The following S1PR2 variants were observed in gnomAD, a reference collection of about 807,000 sequenced individuals.
The protein encoded by S1PR2 is sphingosine 1-phosphate receptor 2.
A neutral mutation model predicts 16.1 loss-of-function variants in S1PR2; 9 were observed. The observed-to-expected ratio is 0.56, with a 90% CI of 0.34 to 0.98. The LOEUF is 0.98. Ranked by LOEUF, S1PR2 falls within the 50% of genes least tolerant of loss-of-function variation. The probability of loss-of-function intolerance (pLI) is 0.02; values close to 1 mark genes in which losing one functional copy is unlikely to be tolerated. For missense variants in S1PR2, 361 were observed against 488.4 expected, an observed-to-expected ratio of 0.74 and a Z score of 2.46; for synonymous variants, 224 against 233.9, an observed-to-expected ratio of 0.96 and a Z score of 0.38.
At chr19:10,226,999 C>G (rs1397183539) in intron 1 of S1PR2, among the ~76,000 whole-genome samples, 1 of 151,372 alleles carries the variant, frequency 6.6e-6, no homozygotes, top group African/African-American at 2.4e-5. Flanking sequence ...CCCCCCATCG[C>G]CACCCACCAA....
In S1PR2 at chr19:10,222,190, G is replaced by A. The variant is rs1002240112; in HGVS notation, c.*1654C>T. ...GAATCGCTTGAACCCGGGAGGTGGA[G>A]GTGGCAGTGAACGGAGATTGAACCA... On this transcript the variant is annotated 3_prime_UTR_variant, in exon 2 of 2. Transcript: ENST00000646641. 1.3e-5 allele frequency: 2 copies of A among 152,162 alleles called. No homozygotes were observed. Among genetic ancestry groups the A allele is most frequent in the African/African-American group, 4.8e-5 (2 of 41,420 alleles). 9.4% of individuals were successfully genotyped at this position (152,162 alleles called of 1,614,324 possible).
chr19:10,227,676 C>T (rs944385475), intron 1 of S1PR2, among the ~76,000 whole-genome samples: 9 of 152,244 alleles, frequency 5.9e-5, no homozygotes, highest in African/African-American at 1.2e-4. Context: ...CCTATTGGCC[C>T]GGGCTTTCCA....
In S1PR2 at chr19:10,222,237, C is replaced by T. The variant is rs2039597779; in HGVS notation, c.*1607G>A. ...ACCACTGCCACCTCAGCCTGGGTGA[C>T]ACAGTGAGACTCCATCTCAAAAACA... On this transcript the variant is annotated 3_prime_UTR_variant, in exon 2 of 2. Coordinates refer to ENST00000646641, the MANE Select transcript of S1PR2 (RefSeq NM_004230.4). The T allele has an allele frequency of 6.6e-6, 1 of 152,066 alleles. No individual in the cohort carries two copies. Among genetic ancestry groups the T allele is most frequent in the South Asian group, 2.1e-4 (1 of 4,828 alleles). 9.4% of individuals were successfully genotyped at this position (152,066 alleles called of 1,614,324 possible). A position where few individuals can be genotyped will look rare whatever the true frequency, so the allele number is the denominator to read the frequency against.
At chr19:10,230,878 C>G (rs2039672167) in intron 1 of S1PR2, among the ~76,000 whole-genome samples, 1 of 152,138 alleles carries the variant, frequency 6.6e-6, no homozygotes, top group Admixed American at 6.5e-5. Context: ...CCCCCCCAAA[C>G]ACACTCCCCA....
At position 10,224,423 on chromosome 19, in the gene S1PR2, G is replaced by T; in HGVS notation, c.483C>A (p.Val161=). 6.2e-7 allele frequency: 1 copy of T among 1,613,610 alleles called. No individual in the cohort carries two copies. Among genetic ancestry groups the T allele is most frequent in the South Asian group, 1.1e-5 (1 of 91,072 alleles). The change falls in exon 2 of 2, where the codon GTC becomes GTA. Residue 161 remains valine (V), a synonymous_variant. Coordinates refer to ENST00000646641, the MANE Select transcript of S1PR2 (RefSeq NM_004230.4). ...AGCCAAGGATGGGCAGGCCACCGAG[G>T]ACCAGCGAGATGAGCCACGAGGCCC... The part of the protein sequence containing the change: ...LIGASWLISL[V]LGGLPILGWN...
intron 1 of S1PR2, 49 bp from the exon 2 acceptor site, chr19:10,224,996 T>C: frequency 9.2e-7 from 1 of 1,088,246 alleles, no homozygotes. Context: ...GAGCTGTGGC[T>C]GCTACCTGGG....
At position 10,224,253 on chromosome 19, in the gene S1PR2, G is replaced by C; in HGVS notation, c.653C>G (p.Ser218Ter). The C allele has an allele frequency of 6.2e-7, 1 of 1,613,930 alleles. No homozygotes were observed. The highest frequency in any genetic ancestry group is 8.5e-7 in the Non-Finnish European group (1 of 1,180,046). The change falls in exon 2 of 2, where the codon TCA (serine) becomes TGA (stop). Residue 218 changes from serine (S) to a stop codon, truncating the protein, a stop_gained. Coordinates refer to ENST00000646641, the MANE Select transcript of S1PR2 (RefSeq NM_004230.4). LOFTEE classifies it high-confidence loss of function. ...LYVRIYCVVR[S>*]SHADMAAPQT... ...CGGGGCGGCCATGTCAGCGTGGCTT[G>C]AGCGGACCACGCAGTAGATGCGCAC...
rs2039619110 is a variant in S1PR2, at chr19:10,224,670, T to C, written c.236A>G (p.Asp79Gly). ...YLFLGNLAAS[D>G]LLAGVAFVAN... ...TACGAAGGCCACGCCTGCCAGTAGA[T>C]CGGAGGCGGCCAGGTTGCCCAGAAA... The change falls in exon 2 of 2, where the codon GAT (aspartate) becomes GGT (glycine). Residue 79 changes from aspartate (D) to glycine (G), a missense_variant. By Grantham distance (94) the Asp-to-Gly change is moderately conservative. Coordinates refer to ENST00000646641, the MANE Select transcript of S1PR2 (RefSeq NM_004230.4). The C allele has an allele frequency of 1.2e-6, 2 of 1,614,122 alleles. No homozygotes were observed. The highest frequency in any genetic ancestry group is 1.7e-5 in the Admixed American group (1 of 60,028).
intron 1 of S1PR2, among the ~76,000 whole-genome samples, chr19:10,230,676 C>T (rs982638644): frequency 6.6e-6 from 1 of 152,372 alleles, no homozygotes; most frequent in East Asian, 1.9e-4. Flanking sequence ...CAGTCACTTT[C>T]TCTTTCCTTA....
At chr19:10,229,393 G>A (rs1181566437) in intron 1 of S1PR2, among the ~76,000 whole-genome samples, 1 of 151,842 alleles carries the variant, frequency 6.6e-6, no homozygotes, top group Non-Finnish European at 1.5e-5. Context: ...GAGTTCAAGC[G>A]ATTCTCCTGC....
rs1198864930 is a variant in S1PR2, at chr19:10,224,780, G to A, written c.126C>T (p.Ile42=). 1.2e-6 allele frequency: 2 copies of A among 1,614,262 alleles called. No individual in the cohort carries two copies. The highest frequency in any genetic ancestry group is 3.3e-5 in the Admixed American group (2 of 60,022). The change falls in exon 2 of 2, where the codon ATC becomes ATT. Residue 42 remains isoleucine, a synonymous_variant. Transcript: ENST00000646641. ...TTTCCACCACAATGGCGCAACAGAG[G>A]ATGACGATGAAGGCCGAGGCCACCT... ...SRQVASAFIV[I]LCCAIVVENL... is the part of the protein sequence containing the mutation.
intron 1 of S1PR2, among the ~76,000 whole-genome samples, chr19:10,230,790 C>T (rs571979609): frequency 6.6e-6 from 1 of 152,350 alleles, no homozygotes; most frequent in Non-Finnish European, 1.5e-5. Context: ...GTGGGTGCCG[C>T]CCCTTGGCTT....
rs189137467 is a variant in S1PR2, at chr19:10,223,303, G to A, written c.*541C>T. 98 of 151,240 alleles carry A rather than the reference G, an allele frequency of 6.5e-4. No homozygotes were observed. The highest frequency in any genetic ancestry group is 2.1e-3 in the African/African-American group (85 of 40,942). 9.4% of individuals were successfully genotyped at this position (151,240 alleles called of 1,614,324 possible). ...AGATCAAGACCATCCTGGCTAACACGGTGAAACCCCATCTCTACTAAAGGT... is the reference window on the plus strand; with the variant it reads ...AGATCAAGACCATCCTGGCTAACACAGTGAAACCCCATCTCTACTAAAGGT... On this transcript the variant is annotated 3_prime_UTR_variant, in exon 2 of 2. Coordinates refer to ENST00000646641, the MANE Select transcript of S1PR2 (RefSeq NM_004230.4).
Position 10,224,799 on chromosome 19 carries a change from G to A in S1PR2, c.107C>T (p.Ala36Val), listed in dbSNP as rs747663144. 1.7e-5 allele frequency: 28 copies of A among 1,614,132 alleles called. No individual in the cohort carries two copies. The highest frequency in any genetic ancestry group is 1.4e-5 in the Non-Finnish European group (17 of 1,180,052). ...ETQETTSRQV[A>V]SAFIVILCCA... Reference sequence around the variant, plus strand: ...ACAGAGGATGACGATGAAGGCCGAGGCCACCTGGCGGGAGGTCGTCTCCTG... The same window carrying A: ...ACAGAGGATGACGATGAAGGCCGAGACCACCTGGCGGGAGGTCGTCTCCTG... Residue 36 changes from alanine to valine, a missense_variant, in exon 2 of 2, where the codon GCC becomes GTC. Physicochemically the swap from Ala to Val is moderately conservative, Grantham distance 64. Transcript: ENST00000646641.
At chr19:10,225,206 G>A (rs1191894687) in intron 1 of S1PR2, among the ~76,000 whole-genome samples, 2 of 151,898 alleles carry the variant, frequency 1.3e-5, no homozygotes, top group African/African-American at 4.8e-5. Flanking sequence ...CCTAGGCTAC[G>A]CTCTTTCTTA....
intron 1 of S1PR2, among the ~76,000 whole-genome samples, chr19:10,227,286 T>C (rs2039641771): frequency 6.6e-6 from 1 of 152,102 alleles, no homozygotes; most frequent in South Asian, 2.1e-4. Flanking sequence ...AGGCCAGTTC[T>C]CCTGAGCCCA....
At chr19:10,230,918 C>T (rs2145447654) in intron 1 of S1PR2, among the ~76,000 whole-genome samples, 1 of 152,344 alleles carries the variant, frequency 6.6e-6, no homozygotes, top group South Asian at 2.1e-4. Flanking sequence ...CGGCGTCCTG[C>T]CTCCCAAAGA....
Position 10,223,977 on chromosome 19 carries a change from AC to A in S1PR2, c.928del (p.Val310TrpfsTer85). 1.9e-6 allele frequency: 3 copies of A among 1,603,050 alleles called. No homozygotes were observed. The highest frequency in any genetic ancestry group is 2.6e-6 in the Non-Finnish European group (3 of 1,175,372). On this transcript the variant is annotated frameshift_variant, in exon 2 of 2. Coordinates refer to ENST00000646641, the MANE Select transcript of S1PR2 (RefSeq NM_004230.4). LOFTEE classifies it high-confidence loss of function. The part of the protein sequence containing the change: ...LRPLQCWRPG[V>X]GVQGRRRGGT... ...GCCCCGCCTCCGTCCTTGCACCCCCACCCCCGGCCTCCAGCACTGCAGCGGC... is the reference window on the plus strand; with the variant it reads ...GCCCCGCCTCCGTCCTTGCACCCCCACCCCGGCCTCCAGCACTGCAGCGGC...
chr19:10,223,587 G>C lies in S1PR2; in HGVS notation c.*257C>G, dbSNP rs1344093334. ...CACCCTGGCTCTTCACAGGTCCCCT[G>C]CCCTGGCCTCCCCAGGATCCAGTTC... On this transcript the variant is annotated 3_prime_UTR_variant, in exon 2 of 2. Transcript: ENST00000646641. 2.2e-6 allele frequency: 1 copy of C among 456,906 alleles called. No individual in the cohort carries two copies. The highest frequency in any genetic ancestry group is 3.8e-6 in the Non-Finnish European group (1 of 260,774). 28.3% of individuals were successfully genotyped at this position (456,906 alleles called of 1,614,324 possible). A position where few individuals can be genotyped will look rare whatever the true frequency, so the allele number is the denominator to read the frequency against.
Sources: allele counts gnomAD v4.1 joint callset (sites outside exome capture counted in the v4.1 genomes callset), GRCh38; gene constraint gnomAD v4.1.1; transcripts MANE v1.5; gene names NCBI Gene and HGNC (gene_info 2026-07-23, HGNC 2026-07-21).